The following DNPH1 variants were observed in gnomAD, a reference collection of about 807,000 sequenced individuals.
The protein encoded by DNPH1 is 5-hydroxymethyl-dUMP N-hydrolase.
A neutral mutation model predicts 15.7 loss-of-function variants in DNPH1; 18 were observed. The ratio of observed to expected loss-of-function variants is 1.15; its 90% CI spans 0.79 to 1.70. DNPH1 has a LOEUF of 1.70. DNPH1 is among the 40% of genes most tolerant of loss of function. The pLI is 0.00. For missense variants in DNPH1, 262 were observed against 255.2 expected (o/e 1.03, Z -0.18); for synonymous variants, 114 against 107.9 (o/e 1.06, Z -0.35).
intron 1 of DNPH1, among the ~76,000 whole-genome samples, chr6:43,228,339 T>C (rs986198274): frequency 1.3e-5 from 2 of 151,884 alleles, no homozygotes; most frequent in African/African-American, 4.8e-5. Context: ...CCTGCAGTCC[T>C]TGCTAATAGG....
chr6:43,227,904 A>G (rs1776766614), intron 1 of DNPH1, among the ~76,000 whole-genome samples: 1 of 152,108 alleles, frequency 6.6e-6, no homozygotes, highest in Non-Finnish European at 1.5e-5. Context: ...AGCCTGGCCA[A>G]CATGGCAAAA....
chr6:43,229,149 C>T lies in DNPH1; in HGVS notation c.196+112G>A, dbSNP rs749336973. ...AGCACCGGGGTAGGAGGGCGGGCTC[C>T]GGGCGCCGGGAGCGCAGCTGCCGGG... is the stretch of plus-strand genomic sequence containing the variant. On this transcript the variant is annotated intron_variant, in intron 1 of 3. Coordinates refer to ENST00000230431, the MANE Select transcript of DNPH1 (RefSeq NM_006443.3). The T allele has an allele frequency of 3.5e-6, 4 of 1,127,480 alleles. No homozygotes were observed. The South Asian group carries it at 4.9e-5, about 14-fold the overall frequency. The allele number at this position is 1,127,480 out of a possible 1,614,324, so 69.8% of individuals were successfully genotyped here.
Sources: gnomAD v4.1 joint callset for allele counts (sites outside exome capture counted in the v4.1 genomes callset) on GRCh38, gnomAD v4.1.1 for gene constraint, MANE v1.5 for transcripts, NCBI Gene and HGNC (gene_info 2026-07-23, HGNC 2026-07-21) for gene names.